Variants in AGPS observed in about 807,000 individuals in gnomAD.
AGPS encodes alkyldihydroxyacetonephosphate synthase, peroxisomal.
AGPS carries 26 observed loss-of-function variants against 90.7 expected under a neutral mutation model. The ratio of observed to expected loss-of-function variants is 0.29; its 90% CI spans 0.21 to 0.40. The LOEUF (loss-of-function observed/expected upper bound fraction) is 0.40, where lower values mean the gene tolerates loss of function less well. Ranked by LOEUF, AGPS falls within the 10% of genes least tolerant of loss-of-function variation. The pLI is 1.00. For missense variants in AGPS, 540 were observed against 816.1 expected, an observed-to-expected ratio of 0.66 and a Z score of 4.12; for synonymous variants, 294 against 285.3, an observed-to-expected ratio of 1.03 and a Z score of -0.31.
At chr2:177,411,612 G>A (rs913894882) in intron 1 of AGPS, among the ~76,000 whole-genome samples, 4 of 152,204 alleles carry the variant, frequency 2.6e-5, no homozygotes, top group African/African-American at 4.8e-5. Flanking sequence ...CTCATTTGGG[G>A]TTAGTGTCTG....
chr2:177,528,535 T>C (rs1450479563), intron 19 of AGPS, among the ~76,000 whole-genome samples: 1 of 152,218 alleles, frequency 6.6e-6, no homozygotes, highest in Non-Finnish European at 1.5e-5. Context: ...CCTTCAGATA[T>C]TTGCATGACT....
chr2:177,445,655 A>T lies in AGPS; in HGVS notation c.870+29A>T, dbSNP rs778639888. 35 of 1,451,320 alleles carry T rather than the reference A, an allele frequency of 2.4e-5. No individual in the cohort carries two copies. The Admixed American group carries it at 5.5e-4, about 23-fold the overall frequency. The allele number at this position is 1,451,320 out of a possible 1,614,324, so 89.9% of individuals were successfully genotyped here. On this transcript the variant is annotated intron_variant, in intron 8 of 19. Coordinates refer to ENST00000264167, the MANE Select transcript of AGPS (RefSeq NM_003659.4). ...TGTTATTTATTTTTCTTATTTTTTT[A>T]AATTAACTTATTCTAATATCAATTC... is the stretch of plus-strand genomic sequence containing the variant.
chr2:177,476,623 A>G (rs1486754755), intron 10 of AGPS, among the ~76,000 whole-genome samples: 1 of 152,114 alleles, frequency 6.6e-6, no homozygotes, highest in Non-Finnish European at 1.5e-5. Context: ...TGAGCACTTG[A>G]AATAAATGTA....
chr2:177,495,315 C>T (rs1401782002), intron 12 of AGPS, among the ~76,000 whole-genome samples: 1 of 152,124 alleles, frequency 6.6e-6, no homozygotes, highest in Non-Finnish European at 1.5e-5. Flanking sequence ...TTGTCAATAG[C>T]ACACTTTATA....
At chr2:177,401,175 GTGC>G (rs1265920170) in intron 1 of AGPS, among the ~76,000 whole-genome samples, 5 of 152,062 alleles carry the variant, frequency 3.3e-5, no homozygotes, top group African/African-American at 1.2e-4. Flanking sequence ...GTGATATACC[GTGC>G]TGGCCAGTAC....
At position 177,480,445 on chromosome 2, in the gene AGPS, G is replaced by T. The variant is rs188152978; in HGVS notation, c.1106-1614G>T. ...CTTTGTAGGGACATGGATGAAGCTA[G>T]AAACCATCATTCTCAGCAAACTATG... On this transcript the variant is annotated intron_variant, in intron 10 of 19. Coordinates refer to ENST00000264167, the MANE Select transcript of AGPS (RefSeq NM_003659.4). Among the ~76,000 whole-genome samples, 26 of 152,294 alleles carry T rather than the reference G, an allele frequency of 1.7e-4. No individual in the cohort carries two copies. In the East Asian group the frequency reaches 5.0e-3, roughly 29 times the overall value.
rs150708521 is a variant in AGPS at position 177,406,965 on chromosome 2, C to A, written c.261-13304C>A. 2.4e-4 allele frequency among the ~76,000 whole-genome samples: 36 copies of A among 152,242 alleles called. 1 individual carries two copies. The East Asian group carries it at 6.9e-3, about 29-fold the overall frequency. On this transcript the variant is annotated intron_variant, in intron 1 of 19. Coordinates refer to ENST00000264167, the MANE Select transcript of AGPS (RefSeq NM_003659.4). Reference sequence around the variant, plus strand: ...GGTTCTTTCAGCTAGAGATGAACACCACTGAGCTCTTGTAATAATTTGTAC... The same window carrying A: ...GGTTCTTTCAGCTAGAGATGAACACAACTGAGCTCTTGTAATAATTTGTAC...
chr2:177,543,008 T>TG lies in AGPS; in HGVS notation c.*4815dup, dbSNP rs1430508540. 6.6e-6 allele frequency: 1 copy of TG among 152,222 alleles called. No individual in the cohort carries two copies. The highest frequency in any genetic ancestry group is 2.4e-5 in the African/African-American group (1 of 41,460). 9.4% of individuals were successfully genotyped at this position (152,222 alleles called of 1,614,324 possible). ...GGTAATTCTTTCCACAGTGTTGTTT[T>TG]GGATAATCTGTTCTAGTATATTTAA... On this transcript the variant is annotated 3_prime_UTR_variant, in exon 20 of 20. Transcript: ENST00000264167.
At chr2:177,439,095 G>C (rs1686514883) in intron 5 of AGPS, among the ~76,000 whole-genome samples, 1 of 152,144 alleles carries the variant, frequency 6.6e-6, no homozygotes, top group African/African-American at 2.4e-5. Context: ...GGGCTTAAGA[G>C]TAAGGACAAT....
At chr2:177,522,737 A>T (rs1407291914) in intron 18 of AGPS, among the ~76,000 whole-genome samples, 1 of 152,204 alleles carries the variant, frequency 6.6e-6, no homozygotes, top group Non-Finnish European at 1.5e-5. Flanking sequence ...TACAAGCGTG[A>T]GCTACCGCAC....
intron 2 of AGPS, among the ~76,000 whole-genome samples, chr2:177,433,099 A>G (rs911858629): frequency 6.6e-6 from 1 of 152,220 alleles, no homozygotes; most frequent in Admixed American, 6.5e-5. Context: ...GGACTCCTTT[A>G]AGAGAGTGAA....
At position 177,509,240 on chromosome 2, in the gene AGPS, AT is replaced by A. The variant is rs561392259; in HGVS notation, c.1607+1217del. Among the ~76,000 whole-genome samples the A allele has an allele frequency of 6.6e-5, 10 of 152,112 alleles. No individual in the cohort carries two copies. The South Asian group carries it at 2.1e-3, about 32-fold the overall frequency. On this transcript the variant is annotated intron_variant, in intron 16 of 19. Coordinates refer to ENST00000264167, the MANE Select transcript of AGPS (RefSeq NM_003659.4). ...TTATACTATCACTCAGTCATTCACA[AT>A]TTTTTTTATTTTTTAAGTCAGATTT...
chr2:177,432,397 C>A (rs1686269652), intron 2 of AGPS, among the ~76,000 whole-genome samples: 1 of 152,176 alleles, frequency 6.6e-6, no homozygotes, highest in Non-Finnish European at 1.5e-5. Context: ...TTAACTTTCC[C>A]TTTATCACAT....
intron 14 of AGPS, among the ~76,000 whole-genome samples, chr2:177,504,444 C>T (rs1341843958): frequency 6.6e-6 from 1 of 152,034 alleles, no homozygotes; most frequent in Non-Finnish European, 1.5e-5. Flanking sequence ...CAAACAGTCC[C>T]CTTCATTTTT....
intron 11 of AGPS, among the ~76,000 whole-genome samples, chr2:177,490,324 T>C (rs955382667): frequency 3.9e-5 from 6 of 152,216 alleles, no homozygotes; most frequent in African/African-American, 1.4e-4. Context: ...ATGCTATTTT[T>C]GAGTGCTTTA....
At chr2:177,503,581 A>G (rs1290315545) in intron 14 of AGPS, among the ~76,000 whole-genome samples, 1 of 152,188 alleles carries the variant, frequency 6.6e-6, no homozygotes, top group African/African-American at 2.4e-5. Context: ...CTACTTTAAC[A>G]TAAAGCAGTT....
chr2:177,434,770 T>C (rs1027406767), intron 3 of AGPS, among the ~76,000 whole-genome samples: 1 of 152,038 alleles, frequency 6.6e-6, no homozygotes, highest in Non-Finnish European at 1.5e-5. Flanking sequence ...TACAGAAATA[T>C]AAGTTGCTAT....
intron 8 of AGPS, among the ~76,000 whole-genome samples, chr2:177,446,921 T>C (rs1300273190): frequency 6.6e-6 from 1 of 152,220 alleles, no homozygotes; most frequent in Non-Finnish European, 1.5e-5. Flanking sequence ...AGTACCTTTT[T>C]GGGATCCTAA....
chr2:177,527,810 A>T (rs538723803), intron 19 of AGPS, among the ~76,000 whole-genome samples: 2 of 152,300 alleles, frequency 1.3e-5, no homozygotes, highest in African/African-American at 4.8e-5. Context: ...GTTTGATGGC[A>T]TATTAATTTA....
Sources: allele counts gnomAD v4.1 joint callset (sites outside exome capture counted in the v4.1 genomes callset), GRCh38; gene constraint gnomAD v4.1.1; transcripts MANE v1.5; gene names NCBI Gene and HGNC (gene_info 2026-07-23, HGNC 2026-07-21).